DRC9: variants seen among roughly 807,000 people sequenced by gnomAD.
DRC9 encodes dynein regulatory complex protein 9.
chr3:197,938,317 C>CAAA, the DRC9 span, among the ~76,000 whole-genome samples: 5,807 of 114,256 alleles, frequency 0.051, 222 homozygotes, highest in African/African-American at 0.1. Context: ...AACTCCATCT[C>CAAA]AAAAAAAAAA....
At chr3:197,957,524 CT>C in the DRC9 span, 3 of 143,574 alleles carry the variant, frequency 2.1e-5, no homozygotes, top group Non-Finnish European at 3.0e-5. Context: ...GTGGCGCAAT[CT>C]TGGCTCACTG....
the DRC9 span, among the ~76,000 whole-genome samples, chr3:197,901,631 C>T: frequency 6.6e-6 from 1 of 152,232 alleles, no homozygotes; most frequent in Non-Finnish European, 1.5e-5. This position sits in a 1 kb window ranked among gnomAD's most constrained non-coding sequence, Gnocchi z 4.4. Context: ...CCATGAGCAG[C>T]GGCTCCTCCG....
the DRC9 span, among the ~76,000 whole-genome samples, chr3:197,930,736 G>GA: frequency 0.037 from 3,460 of 94,152 alleles, 126 homozygotes; most frequent in African/African-American, 0.11. Flanking sequence ...CTCAGTCTCA[G>GA]AAAAAAAAAA....
chr3:197,923,026 G>A, the DRC9 span, among the ~76,000 whole-genome samples: 2 of 152,146 alleles, frequency 1.3e-5, no homozygotes, highest in African/African-American at 4.8e-5. Context: ...AAGACCTAGA[G>A]CTACCTAAGG....
At chr3:197,942,893 CAAAAA>C in the DRC9 span, among the ~76,000 whole-genome samples, 2 of 61,912 alleles carry the variant, frequency 3.2e-5, no homozygotes, top group African/African-American at 5.6e-5. Flanking sequence ...AACTCCATCT[CAAAAA>C]AAAAAAAAAA....
the DRC9 span, among the ~76,000 whole-genome samples, chr3:197,895,211 G>T: frequency 1.3e-5 from 2 of 152,108 alleles, no homozygotes; most frequent in African/African-American, 4.8e-5. Context: ...AGGCAAAAAG[G>T]TCTGGCTACA....
chr3:197,941,983 C>T, the DRC9 span, among the ~76,000 whole-genome samples: 1 of 152,050 alleles, frequency 6.6e-6, no homozygotes, highest in Non-Finnish European at 1.5e-5. Context: ...ATCTGTTTGC[C>T]CTTCATAAGT....
At chr3:197,918,823 T>C in the DRC9 span, among the ~76,000 whole-genome samples, 180 of 152,248 alleles carry the variant, frequency 1.2e-3, 1 homozygote, top group African/African-American at 4.1e-3. Flanking sequence ...ATTGTTGTTG[T>C]TTTAGACCGA....
chr3:197,933,067 C>CATAT, the DRC9 span, among the ~76,000 whole-genome samples: 2 of 78,090 alleles, frequency 2.6e-5, no homozygotes, highest in African/African-American at 1.6e-4. Context: ...ATATATTATA[C>CATAT]ATATATATAT....
the DRC9 span, chr3:197,938,569 A>G: frequency 6.2e-6 from 10 of 1,612,632 alleles, no homozygotes; most frequent in Admixed American, 1.5e-4. Context: ...AATTTTCTTC[A>G]GTGTCTCCGT....
At chr3:197,949,667 T>C in the DRC9 span, 1 of 157,400 alleles carries the variant, frequency 6.4e-6, no homozygotes, top group Admixed American at 6.5e-5. Context: ...GATAAATAAG[T>C]AGAGGGGAGA....
chr3:197,950,446 C>T, the DRC9 span: 2 of 655,186 alleles, frequency 3.1e-6, no homozygotes, highest in Non-Finnish European at 4.2e-6. Flanking sequence ...AATTCCTGGG[C>T]CTGAACGGAG....
At chr3:197,934,893 G>A in the DRC9 span, among the ~76,000 whole-genome samples, 417 of 151,762 alleles carry the variant, frequency 2.7e-3, 5 homozygotes, top group African/African-American at 9.1e-3. Context: ...GCTGAGGTGG[G>A]AGGGTCGTTT....
the DRC9 span, chr3:197,960,058 G>A: frequency 3.2e-6 from 2 of 620,598 alleles, no homozygotes; most frequent in Non-Finnish European, 5.5e-6. Context: ...CCGGCTTCGC[G>A]CCACGAGACG....
the DRC9 span, among the ~76,000 whole-genome samples, chr3:197,901,798 G>A: frequency 6.6e-6 from 1 of 152,214 alleles, no homozygotes; most frequent in African/African-American, 2.4e-5. The surrounding 1 kb of genome is among the most constrained non-coding windows in gnomAD (Gnocchi z 4.4). Flanking sequence ...AGGGCCTGGG[G>A]GGACTGGCCA....
the DRC9 span, chr3:197,959,901 A>C: frequency 2.5e-6 from 1 of 397,366 alleles, no homozygotes; most frequent in Non-Finnish European, 4.6e-6. Context: ...TGTACGTCTA[A>C]ACACCTGGCA....
At chr3:197,953,506 T>C in the DRC9 span, 1 of 456,482 alleles carries the variant, frequency 2.2e-6, no homozygotes, top group South Asian at 1.6e-5. Flanking sequence ...AACCCCTTGG[T>C]GTCTTCAGTC....
chr3:197,944,041 C>T, the DRC9 span: 3 of 1,612,840 alleles, frequency 1.9e-6, no homozygotes, highest in Non-Finnish European at 2.5e-6. Context: ...TTTGAGTCTT[C>T]CAGGCTGTCT....
the DRC9 span, among the ~76,000 whole-genome samples, chr3:197,955,385 C>T: frequency 9.2e-5 from 14 of 151,764 alleles, no homozygotes; most frequent in Non-Finnish European, 4.4e-5. Flanking sequence ...GCCTCAGCCT[C>T]CTGCGTAGCT....
Sources: gnomAD v4.1 joint callset for allele counts (sites outside exome capture counted in the v4.1 genomes callset) on GRCh38, gnomAD v4.1.1 for gene constraint, Gnocchi (gnomAD v3.1) non-coding constraint, MANE v1.5 for transcripts, NCBI Gene and HGNC (gene_info 2026-07-23, HGNC 2026-07-21) for gene names.